TYR: variants seen among roughly 807,000 people sequenced by gnomAD.
TYR encodes tyrosinase, also known as LB24-AB.
Under a neutral mutation model 51.5 loss-of-function variants are expected in TYR, and 58 were observed. The ratio of observed to expected loss-of-function variants is 1.13; its 90% CI spans 0.91 to 1.40. TYR has a LOEUF of 1.40. Ranked by LOEUF, TYR falls within the 40% of genes most tolerant of loss-of-function variation. The pLI is 0.00. For missense variants in TYR, 732 were observed against 647.4 expected (o/e 1.13, Z -1.42); for synonymous variants, 263 against 235.2 (o/e 1.12, Z -1.08).
intron 2 of TYR, among the ~76,000 whole-genome samples, chr11:89,214,498 G>A (rs1048240083): frequency 2.0e-5 from 3 of 152,176 alleles, no homozygotes; most frequent in Admixed American, 6.5e-5. Flanking sequence ...TCTAGAACTA[G>A]AAATACCATT....
chr11:89,206,676 A>T (rs544225079), intron 2 of TYR, among the ~76,000 whole-genome samples: 1 of 152,122 alleles, frequency 6.6e-6, no homozygotes, highest in Non-Finnish European at 1.5e-5. Context: ...ACAACAAAAA[A>T]TATTTATTTG....
intron 3 of TYR, among the ~76,000 whole-genome samples, chr11:89,280,847 T>C (rs186166934): frequency 1.7e-3 from 254 of 151,798 alleles, no homozygotes; most frequent in Non-Finnish European, 2.9e-3. Flanking sequence ...TGTTTAAATG[T>C]TTGTCCTAGT....
chr11:89,227,866 C>T lies in TYR; in HGVS notation c.1080C>T (p.Ser360=), dbSNP rs1943996859. The T allele has an allele frequency of 1.2e-6, 2 of 1,613,174 alleles. No individual in the cohort carries two copies. Among genetic ancestry groups the T allele is most frequent in the Non-Finnish European group, 1.7e-6 (2 of 1,179,654 alleles). ...PLTGIADASQ[S]SMHNALHIYM... ...CTGGGATAGCGGATGCCTCTCAAAG[C>T]AGCATGCACAATGCCTTGCACATCT... The change falls in exon 3 of 5, where the codon AGC becomes AGT. Residue 360 remains serine (S), a synonymous_variant. Transcript: ENST00000263321.
intron 2 of TYR, among the ~76,000 whole-genome samples, chr11:89,208,198 A>G (rs1453800674): frequency 6.6e-6 from 1 of 152,242 alleles, no homozygotes; most frequent in Non-Finnish European, 1.5e-5. Flanking sequence ...TGAATCCAGG[A>G]GGCGGAGCCT....
At chr11:89,287,668 G>A (rs1944805934) in intron 4 of TYR, among the ~76,000 whole-genome samples, 1 of 151,810 alleles carries the variant, frequency 6.6e-6, no homozygotes, top group South Asian at 2.1e-4. Context: ...TTATGAATTT[G>A]GGCCATATTG....
intron 2 of TYR, among the ~76,000 whole-genome samples, chr11:89,221,206 A>G (rs1486499061): frequency 2.0e-5 from 3 of 152,192 alleles, no homozygotes; most frequent in African/African-American, 7.2e-5. Flanking sequence ...TGTTTGTAAC[A>G]AGTTTACAGG....
intron 3 of TYR, among the ~76,000 whole-genome samples, chr11:89,260,647 T>C (rs1944446400): frequency 6.6e-6 from 1 of 152,156 alleles, no homozygotes; most frequent in Non-Finnish European, 1.5e-5. Flanking sequence ...ACTGCATAGA[T>C]AAATTTAAAA....
At chr11:89,203,414 T>A (rs1399250667) in intron 2 of TYR, among the ~76,000 whole-genome samples, 1 of 152,168 alleles carries the variant, frequency 6.6e-6, no homozygotes, top group Admixed American at 6.5e-5. Flanking sequence ...TCAGAGTAGG[T>A]ATCTAAAAGA....
At chr11:89,234,250 T>G (rs1335960029) in intron 3 of TYR, among the ~76,000 whole-genome samples, 1 of 143,786 alleles carries the variant, frequency 7.0e-6, no homozygotes, top group African/African-American at 2.7e-5. Flanking sequence ...CTCACCTCTT[T>G]GACCCTCCAT....
Position 89,178,233 on chromosome 11 carries a change from A to G in TYR, c.280A>G (p.Asn94Asp), listed in dbSNP as rs771890905. 2.5e-6 allele frequency: 4 copies of G among 1,614,200 alleles called. No homozygotes were observed. The Admixed American group carries it at 6.7e-5, about 27-fold the overall frequency. Residue 94 changes from asparagine to aspartate, a missense_variant, in exon 1 of 5, where the codon AAC becomes GAC. Transcript: ENST00000263321. The part of the protein sequence containing the change: ...FYNRTCQCSG[N>D]FMGFNCGNCK... ...TAATAGGACCTGCCAGTGCTCTGGC[A>G]ACTTCATGGGATTCAACTGTGGAAA...
At chr11:89,277,426 T>A (rs184915290) in intron 3 of TYR, among the ~76,000 whole-genome samples, 1 of 151,594 alleles carries the variant, frequency 6.6e-6, no homozygotes, top group African/African-American at 2.4e-5. Flanking sequence ...CCAAGAAAAA[T>A]AACTCCAGAT....
intron 4 of TYR, 70 bp from the exon 5 acceptor site, chr11:89,295,073 A>G: frequency 1.9e-6 from 3 of 1,590,210 alleles, no homozygotes; most frequent in Non-Finnish European, 2.6e-6. Context: ...GGACTGTGAA[A>G]GGATGAAGAT....
intron 3 of TYR, among the ~76,000 whole-genome samples, chr11:89,254,118 A>G (rs1944361362): frequency 6.6e-6 from 1 of 151,506 alleles, no homozygotes; most frequent in Non-Finnish European, 1.5e-5. Flanking sequence ...TTTATGTGGT[A>G]TATCACATTT....
In TYR at chr11:89,210,628, T is replaced by C. The variant is rs145040874; in HGVS notation, c.1037-17195T>C. Among the ~76,000 whole-genome samples, 1,063 of 152,188 alleles carry C rather than the reference T, an allele frequency of 7.0e-3. 8 individuals are homozygous for C. The highest frequency in any genetic ancestry group is 9.8e-3 in the Non-Finnish European group (668 of 68,000). The stretch of plus-strand genomic sequence containing the variant: ...GGAAATACAGAGAACACCATAAAGA[T>C]ACTCCTCGAGAAGAGCAACCCCAAG... On this transcript the variant is annotated intron_variant, in intron 2 of 4. Coordinates refer to ENST00000263321, the MANE Select transcript of TYR (RefSeq NM_000372.5).
Position 89,236,151 on chromosome 11 carries a change from A to G in TYR, c.1184+8181A>G, listed in dbSNP as rs369142851. On this transcript the variant is annotated intron_variant, in intron 3 of 4. Coordinates refer to ENST00000263321, the MANE Select transcript of TYR (RefSeq NM_000372.5). The stretch of plus-strand genomic sequence containing the variant: ...CAAGACCACGTTGTTTGCAATGCGG[A>G]AAATATTTAATAGCTAGCCGTTTGC... Among the ~76,000 whole-genome samples the G allele has an allele frequency of 1.9e-4, 29 of 152,090 alleles. No homozygotes were observed. The East Asian group carries it at 4.6e-3, about 24-fold the overall frequency.
chr11:89,286,911 T>C (rs1319742415), intron 4 of TYR, among the ~76,000 whole-genome samples: 1 of 151,882 alleles, frequency 6.6e-6, no homozygotes, highest in Non-Finnish European at 1.5e-5. Context: ...AGATTTTCCA[T>C]TTAGGATTTT....
chr11:89,269,222 G>A (rs1476181519), intron 3 of TYR, among the ~76,000 whole-genome samples: 1 of 152,048 alleles, frequency 6.6e-6, no homozygotes, highest in African/African-American at 2.4e-5. Flanking sequence ...GAGGGGTGAG[G>A]CTTTGAAGGC....
intron 4 of TYR, among the ~76,000 whole-genome samples, chr11:89,285,398 T>C (rs1221922111): frequency 3.3e-5 from 5 of 151,720 alleles, no homozygotes; most frequent in Non-Finnish European, 7.4e-5. Context: ...TCCAGCAGTT[T>C]TGGAATCATT....
intron 3 of TYR, among the ~76,000 whole-genome samples, chr11:89,272,963 C>G (rs1229553500): frequency 6.6e-6 from 1 of 151,892 alleles, no homozygotes. Context: ...TAGGCTTTAG[C>G]TTAAGGGAAG....
Sources: allele counts gnomAD v4.1 joint callset (sites outside exome capture counted in the v4.1 genomes callset), GRCh38; gene constraint gnomAD v4.1.1; transcripts MANE v1.5; gene names NCBI Gene and HGNC (gene_info 2026-07-23, HGNC 2026-07-21).